AFF2: variants seen among roughly 807,000 people sequenced by gnomAD.
AFF2 encodes ALF transcription elongation factor 2.
A neutral mutation model predicts 76.9 loss-of-function variants in AFF2; 14 were observed. That is an observed-to-expected ratio of 0.18 (90% CI 0.12 to 0.28). AFF2 has a LOEUF of 0.28. AFF2 is among the 10% of genes least tolerant of loss of function. AFF2 has a pLI of 1.00. For synonymous variants in AFF2, 398 were observed against 366.7 expected (o/e 1.09, Z -0.98); for missense variants, 868 against 1,001.1 (o/e 0.87, Z 1.79).
chrX:148,880,159 G>T (rs1334874547), intron 7 of AFF2, among the ~76,000 whole-genome samples: 1 of 112,043 alleles, frequency 8.9e-6, no homozygotes, highest in East Asian at 2.8e-4. Flanking sequence ...GATTCTGTAG[G>T]ATTCCCAGTG....
intron 7 of AFF2, among the ~76,000 whole-genome samples, chrX:148,880,243 A>G (rs1423736855): frequency 1.8e-5 from 2 of 111,954 alleles, no homozygotes; most frequent in African/African-American, 3.2e-5. Flanking sequence ...CTAAGGGGAA[A>G]AAACAGCCTG....
intron 4 of AFF2, 107 bp downstream of exon 4, chrX:148,810,027 A>C (rs2070184229): frequency 2.6e-6 from 2 of 762,574 alleles, no homozygotes; most frequent in Non-Finnish European, 3.9e-6. Context: ...ATGATGGGGA[A>C]TCCTGATATT....
chrX:148,595,235 A>T (rs2053561580), intron 1 of AFF2, among the ~76,000 whole-genome samples: 1 of 112,221 alleles, frequency 8.9e-6, no homozygotes, highest in Non-Finnish European at 1.9e-5. Context: ...GGATAAAGAC[A>T]TTTTCAGACA....
intron 1 of AFF2, among the ~76,000 whole-genome samples, chrX:148,502,576 TA>T (rs1273637246): frequency 2.7e-5 from 3 of 112,810 alleles, no homozygotes; most frequent in East Asian, 5.5e-4. Flanking sequence ...ATTGTTACAT[TA>T]AAAAATGCTG....
rs549143488 is a variant in AFF2 at position 148,962,164 on chromosome X, T to C, written c.2691-551T>C. Among the ~76,000 whole-genome samples, 5 of 113,028 alleles carry C rather than the reference T, an allele frequency of 4.4e-5. No individual in the cohort carries two copies. In the East Asian group the frequency reaches 1.4e-3, roughly 31 times the overall value. On this transcript the variant is annotated intron_variant, in intron 12 of 20. Coordinates refer to ENST00000370460, the MANE Select transcript of AFF2 (RefSeq NM_002025.4). ...TTATGCTTGGCGTTGGAGTAGAACA[T>C]TCTGTATATACAATTTGCAATGTAT...
intron 9 of AFF2, among the ~76,000 whole-genome samples, chrX:148,949,292 G>C (rs1308794535): frequency 1.8e-5 from 2 of 111,224 alleles, no homozygotes; most frequent in Non-Finnish European, 3.8e-5. Flanking sequence ...TAGAGTCTAG[G>C]GTGCCCAGAC....
intron 8 of AFF2, among the ~76,000 whole-genome samples, chrX:148,889,828 T>C (rs1173156351): frequency 9.0e-6 from 1 of 111,563 alleles, no homozygotes; most frequent in African/African-American, 3.3e-5. Context: ...TAAGTACCTA[T>C]AAAATAGAGG....
At chrX:148,754,858 G>A (rs1012125246) in intron 3 of AFF2, among the ~76,000 whole-genome samples, 8 of 111,409 alleles carry the variant, frequency 7.2e-5, no homozygotes, top group African/African-American at 2.3e-4. Flanking sequence ...CCTGCCCTCC[G>A]GAAGCTCATA....
At chrX:148,944,339 G>A (rs1425360244) in intron 9 of AFF2, among the ~76,000 whole-genome samples, 1 of 111,677 alleles carries the variant, frequency 9.0e-6, no homozygotes, top group Non-Finnish European at 1.9e-5. Context: ...CTTGTGGGAA[G>A]GTCTTGACCT....
chrX:148,828,585 A>G (rs1227344847), intron 4 of AFF2, among the ~76,000 whole-genome samples: 1 of 112,228 alleles, frequency 8.9e-6, no homozygotes, highest in Non-Finnish European at 1.9e-5. Flanking sequence ...AAATACCATT[A>G]GTTGGATGGG....
chrX:148,684,990 AT>A (rs1569553185), intron 3 of AFF2, among the ~76,000 whole-genome samples: 1 of 112,568 alleles, frequency 8.9e-6, no homozygotes, highest in Non-Finnish European at 1.9e-5. Flanking sequence ...GTTGAAAAGT[AT>A]TTTTAGTGTT....
chrX:148,711,100 AG>A (rs1471383466), intron 3 of AFF2, among the ~76,000 whole-genome samples: 2 of 112,247 alleles, frequency 1.8e-5, no homozygotes, highest in African/African-American at 6.5e-5. Context: ...TATAGAGTCA[AG>A]AGCAACTCAG....
chrX:148,679,430 A>G (rs2054523857), intron 3 of AFF2, among the ~76,000 whole-genome samples: 1 of 110,313 alleles, frequency 9.1e-6, no homozygotes, highest in Non-Finnish European at 1.9e-5. Flanking sequence ...ATAAGCCATT[A>G]TGCATTTTTG....
intron 7 of AFF2, among the ~76,000 whole-genome samples, chrX:148,850,781 G>A (rs2070723177): frequency 8.9e-6 from 1 of 112,183 alleles, no homozygotes; most frequent in Non-Finnish European, 1.9e-5. Flanking sequence ...ACCAGGCGTA[G>A]GGAGGGGAAG....
At chrX:148,640,659 C>G (rs2054078818) in intron 1 of AFF2, among the ~76,000 whole-genome samples, 1 of 112,401 alleles carries the variant, frequency 8.9e-6, no homozygotes, top group South Asian at 3.6e-4. Context: ...CTTTAAAAAT[C>G]TCATCTATTC....
chrX:148,806,288 A>G (rs1184774794), intron 3 of AFF2, among the ~76,000 whole-genome samples: 2 of 112,394 alleles, frequency 1.8e-5, no homozygotes, highest in East Asian at 5.6e-4. Context: ...CAGTGTGCAG[A>G]GTGACCCTGG....
At chrX:148,568,599 T>A (rs782671973) in intron 1 of AFF2, among the ~76,000 whole-genome samples, 1 of 112,119 alleles carries the variant, frequency 8.9e-6, no homozygotes, top group East Asian at 2.8e-4. Flanking sequence ...AAGAGAAATA[T>A]CTGGTAACTG....
intron 3 of AFF2, among the ~76,000 whole-genome samples, chrX:148,771,374 A>G (rs2069585641): frequency 8.9e-6 from 1 of 112,165 alleles, no homozygotes. Flanking sequence ...TTTCAAATTC[A>G]GGATGTCCAA....
At chrX:148,523,795 C>T (rs1032101019) in intron 1 of AFF2, among the ~76,000 whole-genome samples, 21 of 111,901 alleles carry the variant, frequency 1.9e-4, no homozygotes, top group Non-Finnish European at 3.4e-4. Context: ...TCAACACTGT[C>T]GCTGCTCCAG....
Sources: allele counts gnomAD v4.1 joint callset (sites outside exome capture counted in the v4.1 genomes callset), GRCh38; gene constraint gnomAD v4.1.1; transcripts MANE v1.5; gene names NCBI Gene and HGNC (gene_info 2026-07-23, HGNC 2026-07-21).